Variants in ZNF878 observed in about 807,000 individuals in gnomAD.
ZNF878 encodes the protein zinc finger protein 878.
A neutral mutation model predicts 11.1 loss-of-function variants in ZNF878; 10 were observed. That is an observed-to-expected ratio of 0.90 (90% CI 0.56 to 1.53). The LOEUF (loss-of-function observed/expected upper bound fraction) is 1.53. Ranked by LOEUF, ZNF878 falls within the 40% of genes most tolerant of loss-of-function variation. The probability of loss-of-function intolerance (pLI) is 0.00; values close to 1 mark genes in which losing one functional copy is unlikely to be tolerated. For missense variants in ZNF878, 548 were observed against 626.1 expected, an observed-to-expected ratio of 0.88 and a Z score of 1.33; for synonymous variants, 165 against 209.7, an observed-to-expected ratio of 0.79 and a Z score of 1.84.
At chr19:12,048,843 A>AG (rs1285228768) in intron 1 of ZNF878, among the ~76,000 whole-genome samples, 4 of 148,418 alleles carry the variant, frequency 2.7e-5, no homozygotes, top group African/African-American at 1.0e-4. Flanking sequence ...AAAAAAAAAA[A>AG]AAAAGAAAAG....
At chr19:12,051,148 A>G (rs899528197) in intron 1 of ZNF878, among the ~76,000 whole-genome samples, 95 of 144,548 alleles carry the variant, frequency 6.6e-4, no homozygotes, top group Admixed American at 2.4e-3. Flanking sequence ...ACCCCTTGCA[A>G]AGAAAATTTT....
downstream of ZNF878, chr19:12,043,727 G>T: frequency 2.2e-6 from 3 of 1,359,060 alleles, no homozygotes; most frequent in African/African-American, 1.5e-5. Flanking sequence ...AGGTGTCTCT[G>T]CAGTGAATCC....
In ZNF878 at chr19:12,044,510, G is replaced by A. The variant is rs1975441855; in HGVS notation, c.891C>T (p.Tyr297=). ...QCRKAFRSVK[Y]LRVHERKHTG... ...TGTGTTTTCTTTCATGTACTCGCAG[G>A]TACTTGACAGATCTGAAGGCTTTCC... The change falls in exon 4 of 4, where the codon TAC becomes TAT. Residue 297 remains tyrosine (Y), a synonymous_variant. Transcript: ENST00000547628. 1 of 1,613,436 alleles carries A rather than the reference G, an allele frequency of 6.2e-7. No homozygotes were observed. The highest frequency in any genetic ancestry group is 1.1e-5 in the South Asian group (1 of 91,042).
chr19:12,047,382 G>T (rs542300835), intron 1 of ZNF878, among the ~76,000 whole-genome samples: 2 of 151,864 alleles, frequency 1.3e-5, no homozygotes, highest in South Asian at 4.2e-4. Context: ...TGGCCAACAT[G>T]GCAAAACCCC....
In ZNF878 at chr19:12,046,341, T is replaced by C. The variant is rs534306382; in HGVS notation, c.191+27A>G. On this transcript the variant is annotated intron_variant, in intron 3 of 3. Transcript: ENST00000547628. ...CATTCTAAGATTGTATACAGAGACA[T>C]TGTTTTCTCTTTTAAGTGCCAGTTA... The C allele has an allele frequency of 8.0e-6, 12 of 1,495,724 alleles. No homozygotes were observed. The African/African-American group carries it at 1.1e-4, about 14-fold the overall frequency. 92.7% of individuals were successfully genotyped at this position (1,495,724 alleles called of 1,614,324 possible).
At chr19:12,050,955 G>A (rs1409736632) in intron 1 of ZNF878, among the ~76,000 whole-genome samples, 1 of 151,900 alleles carries the variant, frequency 6.6e-6, no homozygotes, top group Non-Finnish European at 1.5e-5. Context: ...AATTAGCCGG[G>A]CGCGGTGGCG....
At chr19:12,048,792 C>T (rs1485434224) in intron 1 of ZNF878, among the ~76,000 whole-genome samples, 3 of 144,012 alleles carry the variant, frequency 2.1e-5, no homozygotes, top group Non-Finnish European at 4.5e-5. Context: ...CAAGATCGTG[C>T]ATTGCACTCC....
At position 12,045,025 on chromosome 19, in the gene ZNF878, A is replaced by T. The variant is rs1163325178; in HGVS notation, c.376T>A (p.Tyr126Asn). Residue 126 changes from tyrosine to asparagine, a missense_variant, in exon 4 of 4, where the codon TAT becomes AAT. By Grantham distance (143) the Tyr-to-Asn change is moderately radical. Transcript: ENST00000547628. ...SLNRHLRAFS[Y>N]SSSLAIHGRT... is the part of the protein sequence containing the mutation. ...CCATGTATTGCAAGGCTACTGGAAT[A>T]ACTAAAGGCTCTGAGGTGCCTATTA... 3.1e-6 allele frequency: 5 copies of T among 1,614,012 alleles called. No individual in the cohort carries two copies. Among genetic ancestry groups the T allele is most frequent in the Non-Finnish European group, 3.4e-6 (4 of 1,180,006 alleles).
intron 1 of ZNF878, among the ~76,000 whole-genome samples, chr19:12,051,593 G>A (rs1369805250): frequency 6.7e-6 from 1 of 150,260 alleles, no homozygotes; most frequent in Non-Finnish European, 1.5e-5. Context: ...CCAATATCAT[G>A]AAACCCCGTC....
chr19:12,051,834 G>C (rs1033085671), intron 1 of ZNF878, among the ~76,000 whole-genome samples: 1 of 152,232 alleles, frequency 6.6e-6, no homozygotes, highest in Non-Finnish European at 1.5e-5. Flanking sequence ...TTGAACCCGG[G>C]AGGCGGAGGT....
intron 1 of ZNF878, among the ~76,000 whole-genome samples, chr19:12,051,119 GAA>G (rs1975547333): frequency 2.2e-5 from 2 of 91,364 alleles, no homozygotes; most frequent in African/African-American, 2.2e-4. Flanking sequence ...AAAAAAAAAA[GAA>G]AAGAAAAGAA....
rs374018759 is a variant in ZNF878 at position 12,046,476 on chromosome 19, T to G, written c.131-48A>C. ...TAGTCCTGAATTAGTATAAAATTAT[T>G]TTAAAAAGTTACTTGATTCTATGTC... On this transcript the variant is annotated intron_variant, in intron 2 of 3. Transcript: ENST00000547628. The G allele has an allele frequency of 9.4e-5, 147 of 1,558,800 alleles. No homozygotes were observed. The Middle Eastern group carries it at 1.0e-3, about 11-fold the overall frequency.
intron 1 of ZNF878, 49 bp from the exon 2 acceptor site, chr19:12,046,809 T>C: frequency 6.2e-7 from 1 of 1,610,340 alleles, no homozygotes; most frequent in Non-Finnish European, 8.5e-7. Context: ...CTGACAGCAC[T>C]GGGTTTCTAT....
At chr19:12,048,194 G>A (rs1975513237) in intron 1 of ZNF878, among the ~76,000 whole-genome samples, 1 of 152,112 alleles carries the variant, frequency 6.6e-6, no homozygotes, top group Non-Finnish European at 1.5e-5. Context: ...ACTCCAAACA[G>A]CCAAAATTCT....
Position 12,046,647 on chromosome 19 carries a change from G to A in ZNF878, c.117C>T (p.Asn39=), listed in dbSNP as rs776744058. Reference sequence around the variant, plus strand: ...TGTCATTCTTACCTATGGAGGTCAGGTTCCTCAAGGTTTCCTGCATCACTT... The same window carrying A: ...TGTCATTCTTACCTATGGAGGTCAGATTCCTCAAGGTTTCCTGCATCACTT... ...YREVMQETLR[N]LTSIGKKWNN... Residue 39 remains asparagine (N), a synonymous_variant, in exon 2 of 4, where the codon AAC becomes AAT. Transcript: ENST00000547628. 1 of 1,613,906 alleles carries A rather than the reference G, an allele frequency of 6.2e-7. No homozygotes were observed. The highest frequency in any genetic ancestry group is 1.1e-5 in the South Asian group (1 of 91,084).
chr19:12,048,747 T>C (rs1290862495), intron 1 of ZNF878, among the ~76,000 whole-genome samples: 3 of 146,124 alleles, frequency 2.1e-5, no homozygotes, highest in Admixed American at 7.0e-5. Flanking sequence ...GGCAGCAGAA[T>C]CACTTGAACC....
At chr19:12,051,776 T>A (rs1328274292) in intron 1 of ZNF878, among the ~76,000 whole-genome samples, 1 of 151,916 alleles carries the variant, frequency 6.6e-6, no homozygotes, top group Non-Finnish European at 1.5e-5. Context: ...GCGTGGTGGC[T>A]GGCGCCTGTA....
In ZNF878 at chr19:12,045,163, G is replaced by A; in HGVS notation, c.238C>T (p.His80Tyr). ...GGAACCTGTGTCAAAACTTCTCCAT[G>A]CTGATGACTTTCTTTACTTTCAGAG... ...RLSESKESHQ[H>Y]GEVLTQVPDD... Residue 80 changes from histidine to tyrosine, a missense_variant, in exon 4 of 4, where the codon CAT becomes TAT. By Grantham distance (83) the His-to-Tyr change is moderately conservative. Around this residue, in one of 3 missense-constraint regions of ZNF878, gnomAD observed 160 missense variants for 173.3 expected, o/e 0.92. Transcript: ENST00000547628. 1 of 1,612,180 alleles carries A rather than the reference G, an allele frequency of 6.2e-7. No individual in the cohort carries two copies.
intron 1 of ZNF878, among the ~76,000 whole-genome samples, chr19:12,049,460 CAAAAAAA>C (rs59577895): frequency 2.8e-5 from 1 of 36,036 alleles, no homozygotes; most frequent in Non-Finnish European, 4.3e-5. Context: ...GACTCCCTCT[CAAAAAAA>C]AAAAAAAAAA....
Sources: allele counts gnomAD v4.1 joint callset (sites outside exome capture counted in the v4.1 genomes callset), GRCh38; gene constraint gnomAD v4.1.1; regional missense constraint gnomAD v4.1.1; transcripts MANE v1.5; gene names NCBI Gene and HGNC (gene_info 2026-07-23, HGNC 2026-07-21).